Variants in FGF12 observed in about 807,000 individuals in gnomAD.
FGF12 encodes fibroblast growth factor 12B.
A neutral mutation model predicts 23.6 loss-of-function variants in FGF12; 14 were observed. The ratio of observed to expected loss-of-function variants is 0.59; its 90% CI spans 0.39 to 0.93. The LOEUF is 0.93. Among genes scored for constraint, FGF12 ranks in the 40% least tolerant of loss-of-function variants. The pLI is 0.00. For synonymous variants in FGF12, 62 were observed against 77.3 expected (o/e 0.80, Z 1.04); for missense variants, 175 against 217.8 (o/e 0.80, Z 1.24).
intron 2 of FGF12, among the ~76,000 whole-genome samples, chr3:192,428,926 C>T (rs1040260168): frequency 6.6e-6 from 1 of 151,986 alleles, no homozygotes; most frequent in African/African-American, 2.4e-5. Context: ...TCCTTGAAAC[C>T]TTCTCTCATT....
At chr3:192,568,839 T>C (rs1363909751) in intron 2 of FGF12, among the ~76,000 whole-genome samples, 1 of 152,122 alleles carries the variant, frequency 6.6e-6, no homozygotes. Context: ...ATCCTTTGCA[T>C]ACATGAGCAT....
chr3:192,720,819 G>A (rs1346812815), intron 2 of FGF12, among the ~76,000 whole-genome samples: 3 of 152,122 alleles, frequency 2.0e-5, no homozygotes, highest in African/African-American at 4.8e-5. Flanking sequence ...ATTCATAATT[G>A]AGGACATACA....
intron 4 of FGF12, among the ~76,000 whole-genome samples, chr3:192,264,466 T>C (rs1435693867): frequency 6.6e-6 from 1 of 152,098 alleles, no homozygotes; most frequent in Non-Finnish European, 1.5e-5. Context: ...ATCAGGAATG[T>C]AGAAAATATG....
intron 2 of FGF12, among the ~76,000 whole-genome samples, chr3:192,687,365 C>T (rs1004632116): frequency 1.3e-5 from 2 of 151,916 alleles, no homozygotes; most frequent in Non-Finnish European, 2.9e-5. Context: ...ACGCCCCACA[C>T]ATGGCACATA....
At chr3:192,404,377 T>A (rs954156430) in intron 2 of FGF12, among the ~76,000 whole-genome samples, 1 of 152,170 alleles carries the variant, frequency 6.6e-6, no homozygotes, top group African/African-American at 2.4e-5. Flanking sequence ...TTTCCCTCCT[T>A]GATTATGAGT....
rs35037623 is a variant in FGF12 at position 192,359,946 on chromosome 3, C to CATAT, written c.124+478_124+481dup. On this transcript the variant is annotated intron_variant, in intron 3 of 5. Transcript: ENST00000445105. Reference sequence around the variant, plus strand: ...CAATTTTGCCTTTAACATAAAATAACATATATATATATATACATACACATA... The same window carrying CATAT: ...CAATTTTGCCTTTAACATAAAATAACATATATATATATATATATACATACACATA... 8.0e-3 allele frequency among the ~76,000 whole-genome samples: 1,188 copies of CATAT among 149,110 alleles called. 9 individuals are homozygous for CATAT. The highest frequency in any genetic ancestry group is 0.027 in the African/African-American group (1,108 of 40,798).
At chr3:192,383,459 C>A (rs564085285) in intron 2 of FGF12, among the ~76,000 whole-genome samples, 1 of 151,242 alleles carries the variant, frequency 6.6e-6, no homozygotes, top group South Asian at 2.1e-4. Flanking sequence ...GTCTTTGAAC[C>A]CAGATAAACC....
intron 2 of FGF12, among the ~76,000 whole-genome samples, chr3:192,384,168 G>C (rs1055947114): frequency 6.6e-6 from 1 of 152,184 alleles, no homozygotes; most frequent in African/African-American, 2.4e-5. Context: ...GCAAGAACAG[G>C]ATTGTTAGTG....
intron 2 of FGF12, among the ~76,000 whole-genome samples, chr3:192,509,929 A>G (rs1185550595): frequency 1.3e-5 from 2 of 152,228 alleles, no homozygotes; most frequent in African/African-American, 4.8e-5. Context: ...GGCAAGTTAG[A>G]TAATACACTA....
chr3:192,244,908 C>T (rs1719807054), intron 4 of FGF12: 1 of 152,156 alleles, frequency 6.6e-6, no homozygotes, highest in East Asian at 1.9e-4. Flanking sequence ...TGGTTATCTT[C>T]TCTATACAGA....
intron 2 of FGF12, among the ~76,000 whole-genome samples, chr3:192,669,539 G>T (rs1433136554): frequency 6.9e-6 from 1 of 145,478 alleles, no homozygotes; most frequent in Non-Finnish European, 1.5e-5. Flanking sequence ...GGGAGGCAGA[G>T]GTTGCAGTGA....
chr3:192,156,139 A>G (rs1483401888), intron 5 of FGF12, among the ~76,000 whole-genome samples: 1 of 152,152 alleles, frequency 6.6e-6, no homozygotes, highest in African/African-American at 2.4e-5. Context: ...CAGCTATGAG[A>G]ACAAAATTTG....
chr3:192,356,802 T>C (rs940394271), intron 3 of FGF12, among the ~76,000 whole-genome samples: 1 of 152,186 alleles, frequency 6.6e-6, no homozygotes, highest in Admixed American at 6.5e-5. Flanking sequence ...ACACACAAAG[T>C]AGAGAAAGAA....
At chr3:192,634,716 T>C (rs1382181126) in intron 2 of FGF12, among the ~76,000 whole-genome samples, 3 of 152,164 alleles carry the variant, frequency 2.0e-5, no homozygotes, top group Non-Finnish European at 4.4e-5. Flanking sequence ...AATTACTTTA[T>C]ATATTTAAAT....
At chr3:192,580,507 T>G (rs1713089314) in intron 2 of FGF12, among the ~76,000 whole-genome samples, 1 of 152,208 alleles carries the variant, frequency 6.6e-6, no homozygotes, top group East Asian at 1.9e-4. Context: ...AAGGTATAGC[T>G]CCACATAGTT....
intron 2 of FGF12, among the ~76,000 whole-genome samples, chr3:192,636,334 G>A (rs368840075): frequency 6.6e-6 from 1 of 152,156 alleles, no homozygotes; most frequent in African/African-American, 2.4e-5. Flanking sequence ...TTTATTTCAA[G>A]TTCCACATTT....
intron 2 of FGF12, chr3:192,407,981 A>C: frequency 6.5e-7 from 1 of 1,536,738 alleles, no homozygotes. Context: ...AGGGAGAAAG[A>C]GGGCGTCCCC....
At chr3:192,364,953 C>T (rs1375368538) in intron 2 of FGF12, among the ~76,000 whole-genome samples, 4 of 152,190 alleles carry the variant, frequency 2.6e-5, no homozygotes, top group Non-Finnish European at 2.9e-5. Context: ...AGTATGTTCT[C>T]TTGAGATTAT....
intron 4 of FGF12, among the ~76,000 whole-genome samples, chr3:192,218,953 A>T (rs1718335813): frequency 6.6e-6 from 1 of 152,120 alleles, no homozygotes; most frequent in African/African-American, 2.4e-5. Flanking sequence ...GCCTATTGTG[A>T]CCCCTAGCTA....
Sources: allele counts gnomAD v4.1 joint callset (sites outside exome capture counted in the v4.1 genomes callset), GRCh38; gene constraint gnomAD v4.1.1; transcripts MANE v1.5; gene names NCBI Gene and HGNC (gene_info 2026-07-23, HGNC 2026-07-21).